EXOC4: variants seen among roughly 807,000 people sequenced by gnomAD.
EXOC4 encodes the protein SEC8-like 1.
EXOC4 carries 71 observed loss-of-function variants against 107.2 expected under a neutral mutation model. The ratio of observed to expected loss-of-function variants is 0.66; its 90% CI spans 0.55 to 0.81. The LOEUF (loss-of-function observed/expected upper bound fraction) is 0.81, where lower values mean the gene tolerates loss of function less well. Ranked by LOEUF, EXOC4 falls within the 30% of genes least tolerant of loss-of-function variation. The pLI, the probability that EXOC4 is intolerant of heterozygous loss-of-function variation, is 0.00. For synonymous variants in EXOC4, 456 were observed against 441.2 expected, an observed-to-expected ratio of 1.03 and a Z score of -0.42; for missense variants, 1,108 against 1,189.6, an observed-to-expected ratio of 0.93 and a Z score of 1.01.
At chr7:133,963,922 TACAG>T (rs1284877432) in intron 14 of EXOC4, among the ~76,000 whole-genome samples, 3 of 152,142 alleles carry the variant, frequency 2.0e-5, no homozygotes, top group African/African-American at 4.8e-5. Context: ...ACCTAGGAAA[TACAG>T]ACAATTATGG....
chr7:134,091,245 C>A, the EXOC4 span, among the ~76,000 whole-genome samples: 1 of 152,302 alleles, frequency 6.6e-6, no homozygotes, highest in East Asian at 1.9e-4. Context: ...ACAAGGGCTG[C>A]TGGTTACCCA....
intron 5 of EXOC4, among the ~76,000 whole-genome samples, chr7:133,356,042 A>C (rs914246141): frequency 1.3e-5 from 2 of 152,162 alleles, no homozygotes; most frequent in Non-Finnish European, 1.5e-5. Flanking sequence ...GTCATGAGCC[A>C]GTGGACTCAT....
chr7:133,328,498 G>C (rs997532850), intron 5 of EXOC4, among the ~76,000 whole-genome samples: 1 of 151,928 alleles, frequency 6.6e-6, no homozygotes, highest in Non-Finnish European at 1.5e-5. Context: ...TTTGCCTGTT[G>C]ATGCAGTTTT....
chr7:133,810,592 TTTG>T (rs1797199675), intron 10 of EXOC4, among the ~76,000 whole-genome samples: 2 of 56,106 alleles, frequency 3.6e-5, no homozygotes, highest in Non-Finnish European at 8.5e-5. Context: ...AGATCCATGC[TTTG>T]CTTTATTTTA....
At chr7:133,900,051 A>G (rs182406625) in intron 12 of EXOC4, among the ~76,000 whole-genome samples, 17 of 152,226 alleles carry the variant, frequency 1.1e-4, no homozygotes, top group African/African-American at 3.4e-4. Flanking sequence ...GAGCAGCACC[A>G]TCACTTTCCT....
intron 11 of EXOC4, among the ~76,000 whole-genome samples, chr7:133,844,590 G>A (rs958668957): frequency 6.6e-6 from 1 of 151,620 alleles, no homozygotes; most frequent in African/African-American, 2.4e-5. Context: ...TGGTTTCACC[G>A]TGTTGGCCAG....
chr7:133,417,210 T>C (rs1029119112), intron 7 of EXOC4, among the ~76,000 whole-genome samples: 1 of 152,206 alleles, frequency 6.6e-6, no homozygotes. Context: ...ATTCTTTTAA[T>C]TCTGTTTTAT....
chr7:133,644,884 A>G (rs927385400), intron 10 of EXOC4, among the ~76,000 whole-genome samples: 8 of 151,766 alleles, frequency 5.3e-5, no homozygotes, highest in East Asian at 1.9e-4. Flanking sequence ...TTTAAGCATC[A>G]TTTCCTTCAT....
At chr7:133,302,645 CTGT>C (rs1290708431) in intron 3 of EXOC4, among the ~76,000 whole-genome samples, 1 of 152,114 alleles carries the variant, frequency 6.6e-6, no homozygotes, top group East Asian at 1.9e-4. Context: ...TGGATGTTGT[CTGT>C]TTAGTCTTTC....
chr7:133,288,932 A>G lies in EXOC4; in HGVS notation c.287A>G (p.Asn96Ser), dbSNP rs1295013700. 6.2e-7 allele frequency: 1 copy of G among 1,614,120 alleles called. No individual in the cohort carries two copies. Among genetic ancestry groups the G allele is most frequent in the Non-Finnish European group, 8.5e-7 (1 of 1,179,950 alleles). ...SRNKIKQVKENLLSCKMLLHC... is the reference protein window; with the variant it reads ...SRNKIKQVKESLLSCKMLLHC... ...TCTGTTTTATTGTAGGTAAAAGAGA[A>G]CCTGCTTTCATGCAAGATGCTGCTG... The change falls in exon 3 of 18, where the codon AAC becomes AGC. Residue 96 changes from asparagine (N) to serine (S), a missense_variant. Transcript: ENST00000253861.
intron 9 of EXOC4, among the ~76,000 whole-genome samples, chr7:133,482,972 C>G (rs1240556020): frequency 6.6e-6 from 1 of 151,902 alleles, no homozygotes. Flanking sequence ...CACAAATACA[C>G]ACACATTCTG....
intron 5 of EXOC4, among the ~76,000 whole-genome samples, chr7:133,327,983 G>A (rs1465438887): frequency 6.6e-6 from 1 of 152,136 alleles, no homozygotes; most frequent in African/African-American, 2.4e-5. Context: ...TTCAAGTCCT[G>A]AATATCCTTG....
intron 17 of EXOC4, among the ~76,000 whole-genome samples, chr7:134,046,006 C>G (rs1795641947): frequency 6.6e-6 from 1 of 152,180 alleles, no homozygotes; most frequent in Non-Finnish European, 1.5e-5. Flanking sequence ...ACCTGGCCTA[C>G]AGCCTGCTCT....
chr7:133,553,172 A>G (rs1441395818), intron 9 of EXOC4, among the ~76,000 whole-genome samples: 1 of 152,186 alleles, frequency 6.6e-6, no homozygotes, highest in East Asian at 1.9e-4. Flanking sequence ...AAATAAGATA[A>G]TGGATATGAA....
At chr7:133,693,852 T>A (rs1052574974) in intron 10 of EXOC4, among the ~76,000 whole-genome samples, 18 of 152,104 alleles carry the variant, frequency 1.2e-4, no homozygotes, top group Admixed American at 1.1e-3. Flanking sequence ...GAAAAGAGAT[T>A]ATTTATGACA....
intron 9 of EXOC4, among the ~76,000 whole-genome samples, chr7:133,622,869 A>G (rs572240146): frequency 1.3e-5 from 2 of 152,308 alleles, no homozygotes; most frequent in African/African-American, 4.8e-5. Context: ...TACTAAGCAC[A>G]TTGTAGGATA....
intron 9 of EXOC4, among the ~76,000 whole-genome samples, chr7:133,515,332 T>TACACACACACAC (rs143017406): frequency 2.0e-5 from 3 of 150,104 alleles, no homozygotes; most frequent in Admixed American, 6.6e-5. Flanking sequence ...CAAGTGTGCA[T>TACACACACACAC]ACACACACAC....
chr7:133,669,492 A>G (rs1312168023), intron 10 of EXOC4, among the ~76,000 whole-genome samples: 1 of 152,242 alleles, frequency 6.6e-6, no homozygotes, highest in Non-Finnish European at 1.5e-5. Context: ...TGATTTAGTG[A>G]CAAATCATGG....
At chr7:133,745,288 A>G (rs1468267524) in intron 10 of EXOC4, among the ~76,000 whole-genome samples, 1 of 152,182 alleles carries the variant, frequency 6.6e-6, no homozygotes, top group East Asian at 1.9e-4. Flanking sequence ...TTATGTAATA[A>G]GAGCTTACAC....
Sources: gnomAD v4.1 joint callset for allele counts (sites outside exome capture counted in the v4.1 genomes callset) on GRCh38, gnomAD v4.1.1 for gene constraint, MANE v1.5 for transcripts, NCBI Gene and HGNC (gene_info 2026-07-23, HGNC 2026-07-21) for gene names.